PDE1A: variants seen among roughly 807,000 people sequenced by gnomAD.
PDE1A encodes the protein phosphodiesterase 1A.
PDE1A carries 35 observed loss-of-function variants against 61.7 expected under a neutral mutation model. That is an observed-to-expected ratio of 0.57 (90% CI 0.43 to 0.75). The LOEUF (loss-of-function observed/expected upper bound fraction) is 0.75, where lower values mean the gene tolerates loss of function less well. Ranked by LOEUF, PDE1A falls within the 30% of genes least tolerant of loss-of-function variation. The probability of loss-of-function intolerance (pLI) is 0.00; values close to 1 mark genes in which losing one functional copy is unlikely to be tolerated. For synonymous variants in PDE1A, 232 were observed against 213.2 expected (o/e 1.09, Z -0.77); for missense variants, 597 against 630.6 (o/e 0.95, Z 0.57).
chr2:182,656,575 C>T, the PDE1A span, among the ~76,000 whole-genome samples: 1 of 152,144 alleles, frequency 6.6e-6, no homozygotes, highest in African/African-American at 2.4e-5. Flanking sequence ...ATTTTAAGTT[C>T]TGCAGAAAAT....
chr2:182,249,569 C>T (rs1184661406), intron 2 of PDE1A, among the ~76,000 whole-genome samples: 1 of 152,074 alleles, frequency 6.6e-6, no homozygotes, highest in Non-Finnish European at 1.5e-5. Context: ...GAATATCTTC[C>T]AGGACAGATG....
At chr2:182,342,636 T>A (rs1364358784) in intron 1 of PDE1A, among the ~76,000 whole-genome samples, 7 of 152,164 alleles carry the variant, frequency 4.6e-5, no homozygotes, top group Non-Finnish European at 7.4e-5. Flanking sequence ...TGAGCTGAGA[T>A]CGCGCCACTG....
At chr2:182,556,362 C>A in the PDE1A span, among the ~76,000 whole-genome samples, 1 of 152,132 alleles carries the variant, frequency 6.6e-6, no homozygotes, top group Non-Finnish European at 1.5e-5. Context: ...GCCAGGATAT[C>A]GTGACTTTTC....
At chr2:182,510,883 A>G (rs1206823819) in intron 2 of PDE1A, among the ~76,000 whole-genome samples, 1 of 152,174 alleles carries the variant, frequency 6.6e-6, no homozygotes, top group Non-Finnish European at 1.5e-5. Flanking sequence ...TGGTGAAGAG[A>G]AACCTGGGGA....
At chr2:182,346,501 T>C (rs1377775122) in intron 1 of PDE1A, among the ~76,000 whole-genome samples, 1 of 152,186 alleles carries the variant, frequency 6.6e-6, no homozygotes, top group Non-Finnish European at 1.5e-5. Flanking sequence ...AGAAATTTTA[T>C]TTCATATTGC....
the PDE1A span, among the ~76,000 whole-genome samples, chr2:182,550,828 T>G: frequency 2.6e-5 from 4 of 152,166 alleles, no homozygotes; most frequent in Non-Finnish European, 5.9e-5. Flanking sequence ...AGTCTCCTGT[T>G]GGATCTTCTG....
chr2:182,212,337 A>G (rs989157101), intron 7 of PDE1A, among the ~76,000 whole-genome samples: 3 of 152,038 alleles, frequency 2.0e-5, no homozygotes, highest in Admixed American at 6.6e-5. Flanking sequence ...TTACTTCACA[A>G]TTTACCATTT....
In PDE1A at chr2:182,276,327, A is replaced by T. The variant is rs1453061113; in HGVS notation, c.54-11913T>A. ...GCAGCTGGAGCCGCGGCAGAGGAAC[A>T]TAAATTGCAAATATTTCATTTTAAT... On this transcript the variant is annotated intron_variant, in intron 1 of 13. Coordinates refer to ENST00000351439, the Ensembl canonical transcript of PDE1A. 2.0e-5 allele frequency among the ~76,000 whole-genome samples: 3 copies of T among 152,146 alleles called. 1 individual carries two copies. The highest frequency in any genetic ancestry group is 4.4e-5 in the Non-Finnish European group (3 of 68,006).
upstream of PDE1A, among the ~76,000 whole-genome samples, chr2:182,427,249 G>T (rs939181317): frequency 6.6e-6 from 1 of 152,154 alleles, no homozygotes; most frequent in South Asian, 2.1e-4. Context: ...TTACAATCTT[G>T]CTTGTATTCA....
At chr2:182,177,320 C>G (rs1481789280) in intron 13 of PDE1A, among the ~76,000 whole-genome samples, 1 of 151,930 alleles carries the variant, frequency 6.6e-6, no homozygotes, top group African/African-American at 2.4e-5. Context: ...TGGTCCTGGA[C>G]TCTTTTTGGT....
chr2:182,533,623 T>G, the PDE1A span, among the ~76,000 whole-genome samples: 1 of 152,154 alleles, frequency 6.6e-6, no homozygotes, highest in Non-Finnish European at 1.5e-5. Context: ...AGAAGTTTAA[T>G]AGATTAGAAT....
At chr2:182,416,156 A>T (rs1454489727) in intron 1 of PDE1A, among the ~76,000 whole-genome samples, 2 of 152,188 alleles carry the variant, frequency 1.3e-5, no homozygotes, top group Admixed American at 6.5e-5. Flanking sequence ...GTATAAAATT[A>T]AAAAATATAA....
At chr2:182,287,641 A>C (rs1047419625) in intron 1 of PDE1A, among the ~76,000 whole-genome samples, 7 of 152,126 alleles carry the variant, frequency 4.6e-5, no homozygotes, top group African/African-American at 1.7e-4. Context: ...TGAAAAAGAC[A>C]AGACAAGTTT....
chr2:182,190,234 A>G (rs538125367), intron 10 of PDE1A, among the ~76,000 whole-genome samples: 1 of 152,230 alleles, frequency 6.6e-6, no homozygotes, highest in South Asian at 2.1e-4. Flanking sequence ...GAAAATAGTT[A>G]CAAACAGGAA....
chr2:182,147,713 A>G (rs1326129739), intron 13 of PDE1A, among the ~76,000 whole-genome samples: 2 of 152,354 alleles, frequency 1.3e-5, no homozygotes, highest in Non-Finnish European at 2.9e-5. Flanking sequence ...ATCTATGAAA[A>G]TAGAAGTATA....
the PDE1A span, among the ~76,000 whole-genome samples, chr2:182,608,398 A>G: frequency 2.5e-4 from 38 of 152,082 alleles, no homozygotes; most frequent in Non-Finnish European, 5.6e-4. Context: ...GCACCGTGGG[A>G]GCCCTTTTCT....
intron 2 of PDE1A, among the ~76,000 whole-genome samples, chr2:182,439,363 G>T (rs1313704203): frequency 6.6e-6 from 1 of 151,958 alleles, no homozygotes; most frequent in African/African-American, 2.4e-5. Flanking sequence ...AACGTGGATG[G>T]TCTTGCTCAG....
the PDE1A span, among the ~76,000 whole-genome samples, chr2:182,560,209 TC>T: frequency 7.7e-6 from 1 of 130,288 alleles, no homozygotes; most frequent in African/African-American, 2.8e-5. Context: ...GCTATCCCTC[TC>T]CCCTCCCCCC....
intron 1 of PDE1A, among the ~76,000 whole-genome samples, chr2:182,308,996 G>A (rs1208265953): frequency 6.7e-6 from 1 of 149,834 alleles, no homozygotes; most frequent in African/African-American, 2.5e-5. Context: ...ATATCTATTA[G>A]TAAGGTTATG....
Sources: gnomAD v4.1 joint callset for allele counts (sites outside exome capture counted in the v4.1 genomes callset) on GRCh38, gnomAD v4.1.1 for gene constraint, MANE v1.5 for transcripts, NCBI Gene and HGNC (gene_info 2026-07-23, HGNC 2026-07-21) for gene names.